The following TENM2 variants were observed in gnomAD, a reference collection of about 807,000 sequenced individuals.
TENM2 encodes teneurin transmembrane protein 2, also known as teneurin-2.
In TENM2, 52 loss-of-function variants were observed where a neutral mutation model predicts 245.2. That is an observed-to-expected ratio of 0.21 (90% confidence interval 0.17 to 0.27). TENM2 has a LOEUF of 0.27. TENM2 is among the 10% of genes least tolerant of loss of function. The pLI, the probability that TENM2 is intolerant of heterozygous loss-of-function variation, is 1.00. For synonymous variants in TENM2, 1,363 were observed against 1,438.9 expected (o/e 0.95, Z 1.19); for missense variants, 3,046 against 3,666.8 (o/e 0.83, Z 4.37).
At chr5:168,059,129 T>G (rs1789813338) in intron 6 of TENM2, among the ~76,000 whole-genome samples, 1 of 152,204 alleles carries the variant, frequency 6.6e-6, no homozygotes, top group Admixed American at 6.5e-5. Context: ...TAGCCTGTGC[T>G]GGCTGGTAGT....
At chr5:167,063,009 T>G in the TENM2 span, among the ~76,000 whole-genome samples, 1 of 152,230 alleles carries the variant, frequency 6.6e-6, no homozygotes, top group Non-Finnish European at 1.5e-5. Context: ...TCATAGATGT[T>G]GAGAATTTTT....
At chr5:168,058,002 T>C (rs1789703233) in intron 6 of TENM2, among the ~76,000 whole-genome samples, 1 of 152,148 alleles carries the variant, frequency 6.6e-6, no homozygotes, top group Non-Finnish European at 1.5e-5. Context: ...GCAGGGTAGT[T>C]ATACCTTTTA....
chr5:167,160,743 A>G, the TENM2 span, among the ~76,000 whole-genome samples: 8 of 152,186 alleles, frequency 5.3e-5, no homozygotes, highest in East Asian at 1.9e-4. Flanking sequence ...TTTAATGTCT[A>G]TCTCTTCTAC....
chr5:167,550,315 A>G (rs748975663), intron 2 of TENM2, among the ~76,000 whole-genome samples: 5 of 152,278 alleles, frequency 3.3e-5, no homozygotes, highest in African/African-American at 4.8e-5. Flanking sequence ...CATAGATGTT[A>G]TTATGGTGCT....
At chr5:167,612,746 G>A (rs1009732166) in intron 2 of TENM2, among the ~76,000 whole-genome samples, 18 of 151,990 alleles carry the variant, frequency 1.2e-4, no homozygotes, top group Non-Finnish European at 1.9e-4. Context: ...TGTTTTGAGG[G>A]AAACTTTAAT....
intron 2 of TENM2, among the ~76,000 whole-genome samples, chr5:167,870,591 A>G (rs1182971701): frequency 6.8e-6 from 1 of 147,286 alleles, no homozygotes; most frequent in African/African-American, 2.5e-5. Flanking sequence ...ATATATATGT[A>G]TATATATGTG....
At chr5:167,439,560 G>C (rs1764766502) in intron 2 of TENM2, among the ~76,000 whole-genome samples, 1 of 152,084 alleles carries the variant, frequency 6.6e-6, no homozygotes, top group Admixed American at 6.6e-5. Flanking sequence ...ATTCATGCAT[G>C]GACCCTAGGA....
upstream of TENM2, among the ~76,000 whole-genome samples, chr5:167,283,790 T>C (rs751351844): frequency 9.2e-5 from 14 of 152,148 alleles, no homozygotes; most frequent in Non-Finnish European, 1.5e-4. Context: ...AGCCTATGAT[T>C]TGGAACTTGG....
intron 3 of TENM2, among the ~76,000 whole-genome samples, chr5:167,914,597 G>A (rs1776786309): frequency 6.6e-6 from 1 of 152,122 alleles, no homozygotes; most frequent in African/African-American, 2.4e-5. Flanking sequence ...TCTCAGGTCT[G>A]CAATTGCAAA....
intron 1 of TENM2, among the ~76,000 whole-genome samples, chr5:167,321,148 A>AT (rs1423145903): frequency 6.6e-6 from 1 of 152,178 alleles, no homozygotes; most frequent in Non-Finnish European, 1.5e-5. Flanking sequence ...TAAAAAATTG[A>AT]TGCTCTTCTC....
At chr5:168,026,681 G>A (rs988147147) in intron 5 of TENM2, among the ~76,000 whole-genome samples, 26 of 152,266 alleles carry the variant, frequency 1.7e-4, no homozygotes, top group African/African-American at 5.5e-4. Context: ...CTGCGACTCA[G>A]TTTCCTCCCT....
chr5:167,629,978 C>T (rs536336370), intron 2 of TENM2, among the ~76,000 whole-genome samples: 2 of 152,046 alleles, frequency 1.3e-5, no homozygotes, highest in Admixed American at 6.6e-5. Context: ...TAGAGCAGTC[C>T]TCCCTTACCC....
intron 2 of TENM2, among the ~76,000 whole-genome samples, chr5:167,849,785 G>T (rs1362298447): frequency 1.3e-5 from 2 of 152,152 alleles, no homozygotes; most frequent in Admixed American, 6.5e-5. Flanking sequence ...TTATTATAAA[G>T]AATTTTACAA....
chr5:167,582,463 G>A (rs2127685067), intron 2 of TENM2, among the ~76,000 whole-genome samples: 1 of 152,168 alleles, frequency 6.6e-6, no homozygotes, highest in South Asian at 2.1e-4. Flanking sequence ...GAGGTCAGTA[G>A]AATATAAGAA....
intron 8 of TENM2, among the ~76,000 whole-genome samples, chr5:168,096,508 G>A (rs1193343657): frequency 6.6e-6 from 1 of 152,184 alleles, no homozygotes; most frequent in East Asian, 1.9e-4. Context: ...TATACTCATT[G>A]AGTTTTCCTC....
At chr5:167,793,801 A>C (rs1005705298) in intron 2 of TENM2, among the ~76,000 whole-genome samples, 4 of 151,088 alleles carry the variant, frequency 2.6e-5, no homozygotes, top group African/African-American at 9.8e-5. Flanking sequence ...GTGCCACTGC[A>C]CTCCAGCCTG....
At chr5:168,044,661 C>T in intron 5 of TENM2, among the ~76,000 whole-genome samples, 1 of 152,078 alleles carries the variant, frequency 6.6e-6, no homozygotes, top group East Asian at 1.9e-4. Flanking sequence ...TGTGTAACCT[C>T]TCTGTGGCCC....
chr5:167,958,779 C>A (rs898784819), intron 4 of TENM2, among the ~76,000 whole-genome samples: 2 of 152,162 alleles, frequency 1.3e-5, no homozygotes, highest in Non-Finnish European at 2.9e-5. Context: ...GTTGAAAATT[C>A]TTTTCTTTAA....
chr5:167,056,456 A>T, the TENM2 span, among the ~76,000 whole-genome samples: 1 of 144,506 alleles, frequency 6.9e-6, no homozygotes, highest in Non-Finnish European at 1.5e-5. Flanking sequence ...TCTATAGTTA[A>T]TATTTTTAAT....
Sources: allele counts gnomAD v4.1 joint callset (sites outside exome capture counted in the v4.1 genomes callset), GRCh38; gene constraint gnomAD v4.1.1; transcripts MANE v1.5; gene names NCBI Gene and HGNC (gene_info 2026-07-23, HGNC 2026-07-21).